The following REV3L variants were observed in gnomAD, a reference collection of about 807,000 sequenced individuals.
The protein encoded by REV3L is DNA polymerase zeta catalytic subunit.
REV3L carries 69 observed loss-of-function variants against 299.4 expected under a neutral mutation model. The observed-to-expected ratio is 0.23, with a 90% CI of 0.19 to 0.28. The LOEUF is 0.28. Among genes scored for constraint, REV3L ranks in the 10% least tolerant of loss-of-function variants. The pLI, the probability that REV3L is intolerant of heterozygous loss-of-function variation, is 1.00. For missense variants in REV3L, 3,128 were observed against 3,693.8 expected (o/e 0.85, Z 3.97); for synonymous variants, 1,238 against 1,271.4 (o/e 0.97, Z 0.56).
chr6:111,367,014 C>A (rs1351365398), intron 14 of REV3L, 101 bp downstream of exon 14: 4 of 994,140 alleles, frequency 4.0e-6, no homozygotes, highest in Non-Finnish European at 4.3e-6. Context: ...CTGAGCTATA[C>A]CTTCATTTAA....
chr6:111,464,976 T>C (rs1051176274), intron 1 of REV3L, among the ~76,000 whole-genome samples: 3 of 151,820 alleles, frequency 2.0e-5, no homozygotes, highest in Non-Finnish European at 4.4e-5. Context: ...CACTCCAGCC[T>C]GGGTGACAGA....
chr6:111,328,446 T>C (rs982918409), intron 25 of REV3L, among the ~76,000 whole-genome samples: 1 of 152,144 alleles, frequency 6.6e-6, no homozygotes, highest in African/African-American at 2.4e-5. Flanking sequence ...ATCAGATCTC[T>C]TGTCAATACA....
rs17539469 is a variant in REV3L at position 111,390,003 on chromosome 6, G to A, written c.757+83C>T. On this transcript the variant is annotated intron_variant, in intron 6 of 31. Transcript: ENST00000368802. ...CCCACCTTGGCCTCCCAAAGTGCTGGGATTACAGGCGTGAGCCACCACACC... is the reference window on the plus strand; with the variant it reads ...CCCACCTTGGCCTCCCAAAGTGCTGAGATTACAGGCGTGAGCCACCACACC... 2.2e-4 allele frequency: 206 copies of A among 916,570 alleles called. No homozygotes were observed. In the South Asian group the frequency reaches 2.9e-3, roughly 13 times the overall value. The allele number at this position is 916,570 out of a possible 1,614,324, so 56.8% of individuals were successfully genotyped here.
At chr6:111,322,095 G>C (rs1415939947) in intron 26 of REV3L, among the ~76,000 whole-genome samples, 1 of 152,108 alleles carries the variant, frequency 6.6e-6, no homozygotes, top group Admixed American at 6.6e-5. Flanking sequence ...ATGGAAAACT[G>C]TATTTGCCTA....
At chr6:111,309,738 A>G in intron 30 of REV3L, 115 bp downstream of exon 30, 5 of 1,211,032 alleles carry the variant, frequency 4.1e-6, no homozygotes, top group Non-Finnish European at 3.4e-6. Context: ...ACGGGACCAC[A>G]CTCTTCCCTT....
At chr6:111,481,079 A>G (rs989214530) in intron 1 of REV3L, among the ~76,000 whole-genome samples, 7 of 152,230 alleles carry the variant, frequency 4.6e-5, no homozygotes, top group African/African-American at 9.6e-5. Context: ...TCAGGAAAAC[A>G]TATTTAATGA....
intron 25 of REV3L, among the ~76,000 whole-genome samples, chr6:111,328,869 G>C (rs1775095979): frequency 6.6e-6 from 1 of 151,930 alleles, no homozygotes; most frequent in African/African-American, 2.4e-5. Flanking sequence ...GGGCTCTAGT[G>C]ATCCTCCCAT....
At position 111,423,582 on chromosome 6, in the gene REV3L, G is replaced by A. The variant is rs146273062; in HGVS notation, c.140-7110C>T. The stretch of plus-strand genomic sequence containing the variant: ...AAAGTCTGTGTTTTTGTGTGTGTGC[G>A]CACATGCATGTACTAATGACCTGTA... On this transcript the variant is annotated intron_variant, in intron 1 of 31. Coordinates refer to ENST00000368802, the MANE Select transcript of REV3L (RefSeq NM_001372078.1). Among the ~76,000 whole-genome samples the A allele has an allele frequency of 1.3e-3, 193 of 152,162 alleles. 1 individual carries two copies. The highest frequency in any genetic ancestry group is 1.7e-3 in the Non-Finnish European group (117 of 68,004).
Position 111,344,032 on chromosome 6 carries a change from A to G in REV3L, c.7431T>C (p.Thr2477=), listed in dbSNP as rs961312672. 6.3e-6 allele frequency: 10 copies of G among 1,599,816 alleles called. No individual in the cohort carries two copies. The African/African-American group carries it at 6.8e-5, about 11-fold the overall frequency. The stretch of plus-strand genomic sequence containing the variant: ...AGCTCACATTTTCAAAGGTGTAGTT[A>G]GTTAGAGCCACCTAAAAAAAAAGGC... The part of the protein sequence containing the change: ...WRIMRNEVAL[T]NYTFENVSFH... The change falls in exon 21 of 32, where the codon ACT becomes ACC. Residue 2477 remains threonine (T), a synonymous_variant. Coordinates refer to ENST00000368802, the MANE Select transcript of REV3L (RefSeq NM_001372078.1).
Position 111,315,228 on chromosome 6 carries a change from G to T in REV3L, c.8466+39C>A, listed in dbSNP as rs544123192. 3 of 1,478,428 alleles carry T rather than the reference G, an allele frequency of 2.0e-6. No homozygotes were observed. The East Asian group carries it at 7.1e-5, about 35-fold the overall frequency. The allele number at this position is 1,478,428 out of a possible 1,614,324, so 91.6% of individuals were successfully genotyped here. ...AATCAGAGGTCTCTAGAAGGTATAT[G>T]AATTTTATATGTAATTACTAATATT... On this transcript the variant is annotated intron_variant, in intron 27 of 31. Transcript: ENST00000368802.
chr6:111,300,909 G>A (rs755895339), intron 31 of REV3L, among the ~76,000 whole-genome samples: 76 of 152,224 alleles, frequency 5.0e-4, no homozygotes, highest in Admixed American at 1.3e-3. Context: ...GGATAACAGC[G>A]ATTTGCAGGG....
chr6:111,389,993 C>T, intron 6 of REV3L, 93 bp downstream of exon 6: 1 of 829,490 alleles, frequency 1.2e-6, no homozygotes, highest in East Asian at 2.9e-5. Flanking sequence ...CTTGGCCTCC[C>T]AAAGTGCTGG....
Position 111,376,164 on chromosome 6 carries a change from C to G in REV3L, c.2191G>C (p.Ala731Pro), listed in dbSNP as rs41289890. Residue 731 changes from alanine (A) to proline (P), a missense_variant, in exon 13 of 32, where the codon GCT (alanine) becomes CCT (proline). Physicochemically the swap from Ala to Pro is conservative, Grantham distance 27. This residue lies in a region of REV3L where 2,409 missense variants were observed against 2,611.8 expected (regional missense o/e 0.92). Transcript: ENST00000368802. ...GATGAAGGGAATAAACTACTCAGAG[C>G]TGTGCTGTTTCCTTTTTCATTTCCT... Reference protein sequence around the residue: ...SEGNEKGNSTALSSLFPSSFT... With the variant: ...SEGNEKGNSTPLSSLFPSSFT... 92 of 1,612,296 alleles carry G rather than the reference C, an allele frequency of 5.7e-5. No individual in the cohort carries two copies. The highest frequency in any genetic ancestry group is 7.3e-5 in the Non-Finnish European group (86 of 1,179,860).
chr6:111,412,593 A>G (rs1480608840), intron 2 of REV3L, among the ~76,000 whole-genome samples: 4 of 152,036 alleles, frequency 2.6e-5, no homozygotes, highest in East Asian at 3.9e-4. Flanking sequence ...TTGTTCCCTT[A>G]TGACAGGCAG....
intron 21 of REV3L, among the ~76,000 whole-genome samples, chr6:111,343,569 G>A (rs1464495969): frequency 3.9e-5 from 6 of 151,986 alleles, no homozygotes; most frequent in Admixed American, 1.3e-4. Context: ...TCACTCTGTC[G>A]CCCAGGCTGG....
At chr6:111,395,952 GT>G (rs1283728331) in intron 4 of REV3L, among the ~76,000 whole-genome samples, 1 of 152,102 alleles carries the variant, frequency 6.6e-6, no homozygotes, top group Non-Finnish European at 1.5e-5. Flanking sequence ...TGATCATATG[GT>G]TTTTGTCCTT....
At chr6:111,440,101 T>C (rs964382172) in intron 1 of REV3L, among the ~76,000 whole-genome samples, 5 of 152,098 alleles carry the variant, frequency 3.3e-5, no homozygotes, top group Non-Finnish European at 7.4e-5. Flanking sequence ...AGTTTCGCTC[T>C]TGTTGCCCAG....
At chr6:111,480,132 A>G (rs1432177423) in intron 1 of REV3L, among the ~76,000 whole-genome samples, 2 of 152,224 alleles carry the variant, frequency 1.3e-5, no homozygotes, top group Non-Finnish European at 2.9e-5. Flanking sequence ...TCAATTTTAA[A>G]ACATTTTCTC....
At chr6:111,457,778 G>C (rs1036395274) in intron 1 of REV3L, among the ~76,000 whole-genome samples, 1 of 151,912 alleles carries the variant, frequency 6.6e-6, no homozygotes, top group African/African-American at 2.4e-5. Flanking sequence ...CAGGTCAAAT[G>C]AAATACATGA....
Sources: gnomAD v4.1 joint callset for allele counts (sites outside exome capture counted in the v4.1 genomes callset) on GRCh38, gnomAD v4.1.1 for gene constraint, gnomAD v4.1.1 regional missense constraint, MANE v1.5 for transcripts, NCBI Gene and HGNC (gene_info 2026-07-23, HGNC 2026-07-21) for gene names.